Variants in ZNF618 observed in about 807,000 individuals in gnomAD.
The protein encoded by ZNF618 is neural precursor cell expressed, developmentally down-regulated 10.
ZNF618 carries 34 observed loss-of-function variants against 103.0 expected under a neutral mutation model. The observed-to-expected ratio is 0.33, with a 90% CI of 0.25 to 0.44. ZNF618 has a LOEUF of 0.44. Ranked by LOEUF, ZNF618 falls within the 20% of genes least tolerant of loss-of-function variation. The pLI, the probability that ZNF618 is intolerant of heterozygous loss-of-function variation, is 1.00. For synonymous variants in ZNF618, 551 were observed against 542.2 expected (o/e 1.02, Z -0.23); for missense variants, 1,059 against 1,295.4 (o/e 0.82, Z 2.80).
At chr9:113,971,764 C>T (rs1187151964) in intron 2 of ZNF618, among the ~76,000 whole-genome samples, 1 of 152,130 alleles carries the variant, frequency 6.6e-6, no homozygotes, top group African/African-American at 2.4e-5. Context: ...TGGAAGAATG[C>T]TGAGATTGAT....
intron 3 of ZNF618, among the ~76,000 whole-genome samples, chr9:113,989,179 A>G (rs1018953508): frequency 3.3e-5 from 5 of 152,200 alleles, no homozygotes; most frequent in Admixed American, 2.0e-4. Flanking sequence ...ATGAGGCCCA[A>G]CAAATATGTT....
At chr9:113,916,509 A>G (rs1439902561) in intron 1 of ZNF618, among the ~76,000 whole-genome samples, 1 of 152,182 alleles carries the variant, frequency 6.6e-6, no homozygotes, top group African/African-American at 2.4e-5. Context: ...TAAGTGTACC[A>G]GTCTAGGTTG....
intron 1 of ZNF618, among the ~76,000 whole-genome samples, chr9:113,937,409 T>C (rs781343349): frequency 6.6e-6 from 1 of 152,208 alleles, no homozygotes; most frequent in Non-Finnish European, 1.5e-5. Context: ...ATCAGGAAAT[T>C]AACACTGACA....
intron 10 of ZNF618, chr9:114,027,841 C>G (rs1843648243): frequency 6.6e-6 from 1 of 152,458 alleles, no homozygotes; most frequent in Admixed American, 6.5e-5. Context: ...CTGTGAGCCT[C>G]TGGTCGGTAC....
At chr9:113,936,855 TG>T (rs898633943) in intron 1 of ZNF618, among the ~76,000 whole-genome samples, 3 of 152,230 alleles carry the variant, frequency 2.0e-5, no homozygotes, top group Non-Finnish European at 4.4e-5. Flanking sequence ...TTAATCCATG[TG>T]GGATTTCTTT....
chr9:114,049,804 C>T lies in ZNF618; in HGVS notation c.2502C>T (p.Asn834=), dbSNP rs7856141. Residue 834 remains asparagine (N), a synonymous_variant, in exon 15 of 15, where the codon AAC becomes AAT. Transcript: ENST00000374126. The part of the protein sequence containing the change: ...EIIGKVCELI[N]EVKESWAEEA... The stretch of plus-strand genomic sequence containing the variant: ...TCGGCAAGGTCTGTGAGCTCATCAA[C>T]GAGGTGAAGGAGTCCTGGGCCGAGG... The T allele has an allele frequency of 0.075, 121,633 of 1,613,946 alleles. 5,063 individuals carry two copies. Among genetic ancestry groups the T allele is most frequent in the Middle Eastern group, 0.14 (827 of 6,062 alleles).
At chr9:113,913,421 G>C (rs1468646826) in intron 1 of ZNF618, among the ~76,000 whole-genome samples, 3 of 152,236 alleles carry the variant, frequency 2.0e-5, no homozygotes, top group African/African-American at 7.2e-5. Context: ...TGCAGCATTG[G>C]AGTCACGGGA....
intron 1 of ZNF618, among the ~76,000 whole-genome samples, chr9:113,921,221 A>G (rs976819472): frequency 6.6e-6 from 1 of 152,168 alleles, no homozygotes; most frequent in Non-Finnish European, 1.5e-5. Flanking sequence ...TCCTAGGCAA[A>G]TTATCTCGCC....
intron 1 of ZNF618, among the ~76,000 whole-genome samples, chr9:113,906,616 A>C (rs1588000548): frequency 6.6e-6 from 1 of 152,308 alleles, no homozygotes; most frequent in East Asian, 1.9e-4. Context: ...CACAAGCTAG[A>C]GAGTTTGAGA....
In ZNF618 at chr9:114,014,620, A is replaced by G. The variant is rs75673473; in HGVS notation, c.755-2075A>G. Among the ~76,000 whole-genome samples the G allele has an allele frequency of 5.0e-3, 756 of 152,352 alleles. 5 individuals are homozygous for G. The highest frequency in any genetic ancestry group is 0.018 in the African/African-American group (736 of 41,580). ...ACATGTCTTCAGGTACATGTAAACAAATAGATCAGGGTCTGACAAATTATC... is the reference window on the plus strand; with the variant it reads ...ACATGTCTTCAGGTACATGTAAACAGATAGATCAGGGTCTGACAAATTATC... On this transcript the variant is annotated intron_variant, in intron 9 of 14. Transcript: ENST00000374126.
Position 114,055,213 on chromosome 9 carries a change from AG to A in ZNF618, c.*5050del, listed in dbSNP as rs1337222819. 1 of 152,066 alleles carries A rather than the reference AG, an allele frequency of 6.6e-6. No homozygotes were observed. The highest frequency in any genetic ancestry group is 2.4e-5 in the African/African-American group (1 of 41,406). 9.4% of individuals were successfully genotyped at this position (152,066 alleles called of 1,614,324 possible). A position where few individuals can be genotyped will look rare whatever the true frequency, so the allele number is the denominator to read the frequency against. On this transcript the variant is annotated 3_prime_UTR_variant, in exon 15 of 15. Coordinates refer to ENST00000374126, the MANE Select transcript of ZNF618 (RefSeq NM_001318042.2). ...ATGAGGTCTGAGACCAGCCGGAAGGAGGGGCTCCTGCCATAACCCAGGTGCC... is the reference window on the plus strand; with the variant it reads ...ATGAGGTCTGAGACCAGCCGGAAGGAGGGCTCCTGCCATAACCCAGGTGCC...
intron 2 of ZNF618, among the ~76,000 whole-genome samples, chr9:113,987,949 G>T (rs979621036): frequency 1.5e-4 from 23 of 152,280 alleles, no homozygotes; most frequent in African/African-American, 5.5e-4. Flanking sequence ...TCTAAGTACT[G>T]ATTTCAGCCA....
chr9:113,969,926 G>C (rs1837789614), intron 2 of ZNF618, among the ~76,000 whole-genome samples: 1 of 152,022 alleles, frequency 6.6e-6, no homozygotes, highest in South Asian at 2.1e-4. Context: ...ATCTAGAATC[G>C]ATCCTAGGGT....
In ZNF618 at chr9:114,016,809, T is replaced by A. The variant is rs773925197; in HGVS notation, c.844+25T>A. On this transcript the variant is annotated intron_variant, in intron 10 of 14. Transcript: ENST00000374126. ...AGTGAGTACCTCCTCCCGGTAGGGA[T>A]GGGGGTTGGGGGACCCGGGACAGGG... 8.2e-6 allele frequency: 13 copies of A among 1,579,396 alleles called. No individual in the cohort carries two copies. The South Asian group carries it at 1.4e-4, about 16-fold the overall frequency.
intron 2 of ZNF618, among the ~76,000 whole-genome samples, chr9:113,971,326 G>A (rs1159373022): frequency 2.0e-5 from 3 of 152,080 alleles, no homozygotes; most frequent in African/African-American, 7.2e-5. Flanking sequence ...TGAGTCAGTG[G>A]CTGTGTTGGG....
intron 1 of ZNF618, among the ~76,000 whole-genome samples, chr9:113,947,184 T>G (rs745445679): frequency 2.0e-5 from 3 of 152,152 alleles, no homozygotes; most frequent in African/African-American, 4.8e-5. Context: ...GTCTTGGGGC[T>G]CTTTAGTGAA....
intron 1 of ZNF618, among the ~76,000 whole-genome samples, chr9:113,890,203 A>G (rs952110120): frequency 6.6e-6 from 1 of 152,216 alleles, no homozygotes; most frequent in Non-Finnish European, 1.5e-5. Context: ...GACTATAAAA[A>G]TAACATGTTC....
At chr9:113,951,181 G>A (rs985337602) in intron 1 of ZNF618, among the ~76,000 whole-genome samples, 1 of 151,506 alleles carries the variant, frequency 6.6e-6, no homozygotes, top group African/African-American at 2.4e-5. Context: ...GGCTGGACTA[G>A]CTGTGTGGCT....
intron 2 of ZNF618, among the ~76,000 whole-genome samples, chr9:113,974,882 C>A (rs10435838): frequency 6.6e-6 from 1 of 152,112 alleles, no homozygotes; most frequent in Non-Finnish European, 1.5e-5. Flanking sequence ...TTGTGTGACC[C>A]TGGGCTCCTT....
Sources: allele counts gnomAD v4.1 joint callset (sites outside exome capture counted in the v4.1 genomes callset), GRCh38; gene constraint gnomAD v4.1.1; transcripts MANE v1.5; gene names NCBI Gene and HGNC (gene_info 2026-07-23, HGNC 2026-07-21).